Variants in TSC22D1 observed in about 807,000 individuals in gnomAD.
TSC22D1 encodes TSC22 domain family protein 1.
A neutral mutation model predicts 74.2 loss-of-function variants in TSC22D1; 9 were observed. That is an observed-to-expected ratio of 0.12 (90% CI 0.07 to 0.21). The LOEUF is 0.21. TSC22D1 is among the 10% of genes least tolerant of loss of function. TSC22D1 has a pLI of 1.00. For missense variants in TSC22D1, 1,427 were observed against 1,304.7 expected (o/e 1.09, Z -1.44); for synonymous variants, 586 against 492.5 (o/e 1.19, Z -2.51).
intron 1 of TSC22D1, among the ~76,000 whole-genome samples, chr13:44,444,278 C>CAAAAAAAAAAAAAAAAA (rs71070905): frequency 1.7e-4 from 3 of 17,584 alleles, no homozygotes; most frequent in African/African-American, 7.1e-4. Context: ...GACTCTGTCT[C>CAAAAAAAAAAAAAAAAA]AAAAAAAAAA....
At chr13:44,563,838 T>C (rs919113224) in intron 1 of TSC22D1, among the ~76,000 whole-genome samples, 3 of 152,226 alleles carry the variant, frequency 2.0e-5, no homozygotes, top group Non-Finnish European at 4.4e-5. Flanking sequence ...CCTTCATAGG[T>C]TGAATGAGAT....
Position 44,472,374 on chromosome 13 carries a change from T to C in TSC22D1, c.2913-36279A>G, listed in dbSNP as rs1595102407. 5.3e-5 allele frequency among the ~76,000 whole-genome samples: 8 copies of C among 152,320 alleles called. 2 individuals are homozygous for C. Among genetic ancestry groups the C allele is most frequent in the Admixed American group, 5.2e-4 (8 of 15,294 alleles). ...TCACAACTTGAGAACTGTTCCTTTT[T>C]TTTCATATGAGACAGCATGTTTTAC... On this transcript the variant is annotated intron_variant, in intron 1 of 2. Coordinates refer to ENST00000458659, the MANE Select transcript of TSC22D1 (RefSeq NM_183422.4).
chr13:44,543,131 C>A (rs1013320483), intron 1 of TSC22D1, among the ~76,000 whole-genome samples: 4 of 152,008 alleles, frequency 2.6e-5, no homozygotes, highest in Non-Finnish European at 5.9e-5. Flanking sequence ...TACTGAAAAT[C>A]CATGTATATT....
rs978923996 is a variant in TSC22D1, at chr13:44,434,099, T to C, written c.*527A>G. The C allele has an allele frequency of 2.0e-5, 30 of 1,505,052 alleles. No individual in the cohort carries two copies. In the African/African-American group the frequency reaches 2.4e-4, roughly 12 times the overall value. The allele number at this position is 1,505,052 out of a possible 1,614,324, so 93.2% of individuals were successfully genotyped here. ...TTGAGAAGAAAGAGGCACAGTACTA[T>C]TGTTTTTTATGAATTTTGGTGACAG... On this transcript the variant is annotated 3_prime_UTR_variant, in exon 3 of 3. Coordinates refer to ENST00000458659, the MANE Select transcript of TSC22D1 (RefSeq NM_183422.4).
intron 1 of TSC22D1, among the ~76,000 whole-genome samples, chr13:44,549,776 G>GAAAAAAAAAAAAAAAAAAAAAAAAA (rs1305063154): frequency 1.5e-5 from 1 of 67,954 alleles, no homozygotes. Flanking sequence ...CAAAAAAAAA[G>GAAAAAAAAAAAAAAAAAAAAAAAAA]AAAAAAAAAA....
In TSC22D1 at chr13:44,575,469, A is replaced by G. The variant is rs776938401; in HGVS notation, c.606T>C (p.Pro202=). ...NQPHLPQPHL[P]HLPQQNVVIN... ...TCACAACATTCTGTTGTGGAAGGTG[A>G]GGCAAATGAGGCTGAGGAAGGTGGG... Residue 202 remains proline, a synonymous_variant, in exon 1 of 3, where the codon CCT becomes CCC. Coordinates refer to ENST00000458659, the MANE Select transcript of TSC22D1 (RefSeq NM_183422.4). The G allele has an allele frequency of 1.5e-5, 25 of 1,613,962 alleles. No individual in the cohort carries two copies. The highest frequency in any genetic ancestry group is 2.0e-5 in the Non-Finnish European group (24 of 1,180,020).
Position 44,434,445 on chromosome 13 carries a change from T to C in TSC22D1, c.*181A>G, listed in dbSNP as rs1595071755. ...CTTTAATTCACCCAACTAAGAAATT[T>C]CTCCAAGCCATAAGCATATGAGTGT... is the stretch of plus-strand genomic sequence containing the variant. On this transcript the variant is annotated 3_prime_UTR_variant, in exon 3 of 3. Transcript: ENST00000458659. The C allele has an allele frequency of 7.4e-7, 1 of 1,355,886 alleles. No individual in the cohort carries two copies. Among genetic ancestry groups the C allele is most frequent in the Non-Finnish European group, 9.4e-7 (1 of 1,062,064 alleles). 84.0% of individuals were successfully genotyped at this position (1,355,886 alleles called of 1,614,324 possible).
intron 1 of TSC22D1, among the ~76,000 whole-genome samples, chr13:44,449,808 T>C (rs1272004265): frequency 6.6e-6 from 1 of 152,196 alleles, no homozygotes; most frequent in Non-Finnish European, 1.5e-5. Flanking sequence ...GTCAACATAA[T>C]ACATCTTAGC....
chr13:44,458,434 G>T (rs1595093349), intron 1 of TSC22D1, among the ~76,000 whole-genome samples: 1 of 152,322 alleles, frequency 6.6e-6, no homozygotes, highest in Non-Finnish European at 1.5e-5. Context: ...GGCAACAGCA[G>T]CCCATCTAGA....
At chr13:44,549,276 G>A (rs775770520) in intron 1 of TSC22D1, among the ~76,000 whole-genome samples, 1 of 152,056 alleles carries the variant, frequency 6.6e-6, no homozygotes, top group African/African-American at 2.4e-5. Flanking sequence ...AAAACAGGGC[G>A]CTTTCCAATT....
intron 1 of TSC22D1, among the ~76,000 whole-genome samples, chr13:44,512,170 CTTT>C (rs953941272): frequency 6.6e-6 from 1 of 151,558 alleles, no homozygotes; most frequent in Non-Finnish European, 1.5e-5. Context: ...TGTTTGTTTT[CTTT>C]TTTTGTTTGT....
chr13:44,527,538 G>A (rs1295334788), intron 1 of TSC22D1, among the ~76,000 whole-genome samples: 1 of 152,026 alleles, frequency 6.6e-6, no homozygotes, highest in Non-Finnish European at 1.5e-5. Flanking sequence ...TAATTGATAT[G>A]CTATGAACAG....
At chr13:44,495,028 G>C (rs1878902082) in intron 1 of TSC22D1, among the ~76,000 whole-genome samples, 1 of 152,092 alleles carries the variant, frequency 6.6e-6, no homozygotes, top group African/African-American at 2.4e-5. Flanking sequence ...GAAAGAAACA[G>C]TGAAACTGAA....
In TSC22D1 at chr13:44,575,898, C is replaced by G. The variant is rs1884198551; in HGVS notation, c.177G>C (p.Pro59=). The G allele has an allele frequency of 6.2e-7, 1 of 1,613,856 alleles. No individual in the cohort carries two copies. The highest frequency in any genetic ancestry group is 8.5e-7 in the Non-Finnish European group (1 of 1,179,986). The change falls in exon 1 of 3, where the codon CCG becomes CCC. Residue 59 remains proline, a synonymous_variant. Coordinates refer to ENST00000458659, the MANE Select transcript of TSC22D1 (RefSeq NM_183422.4). ...GSNATSSEDF[P]PPSLLQPPPP... is the part of the protein sequence containing the mutation. Reference sequence around the variant, plus strand: ...GCGGCGGCTGAAGCAGCGACGGAGGCGGAAAATCCTCGGAAGATGTGGCAT... The same window carrying G: ...GCGGCGGCTGAAGCAGCGACGGAGGGGGAAAATCCTCGGAAGATGTGGCAT...
intron 1 of TSC22D1, among the ~76,000 whole-genome samples, chr13:44,444,278 C>CAAAAAAAAAAAAAAAAAAAAAAAAA (rs71070905): frequency 1.7e-4 from 3 of 17,582 alleles, no homozygotes; most frequent in Admixed American, 1.1e-3. Context: ...GACTCTGTCT[C>CAAAAAAAAAAAAAAAAAAAAAAAAA]AAAAAAAAAA....
intron 1 of TSC22D1, among the ~76,000 whole-genome samples, chr13:44,479,079 A>T (rs1384120326): frequency 6.6e-6 from 1 of 152,210 alleles, no homozygotes; most frequent in African/African-American, 2.4e-5. Context: ...AGCAGATCCA[A>T]TGAAATAAAC....
intron 1 of TSC22D1, chr13:44,538,829 G>T (rs1411946878): frequency 2.0e-6 from 2 of 985,370 alleles, no homozygotes; most frequent in Admixed American, 6.1e-5. Flanking sequence ...ATCCATGAAG[G>T]CTCTGCTAGA....
intron 1 of TSC22D1, among the ~76,000 whole-genome samples, chr13:44,512,075 A>T (rs1879750042): frequency 6.6e-6 from 1 of 152,168 alleles, no homozygotes; most frequent in South Asian, 2.1e-4. Flanking sequence ...CAACATCTTC[A>T]TTTCAGAATT....
intron 1 of TSC22D1, among the ~76,000 whole-genome samples, chr13:44,509,243 T>G (rs1311376459): frequency 6.6e-6 from 1 of 152,222 alleles, no homozygotes; most frequent in Non-Finnish European, 1.5e-5. Context: ...GAAGCCAAGA[T>G]TATTACGCTG....
Sources: allele counts gnomAD v4.1 joint callset (sites outside exome capture counted in the v4.1 genomes callset), GRCh38; gene constraint gnomAD v4.1.1; transcripts MANE v1.5; gene names NCBI Gene and HGNC (gene_info 2026-07-23, HGNC 2026-07-21).